GUCY1A2: variants seen among roughly 807,000 people sequenced by gnomAD.
GUCY1A2 encodes guanylate cyclase soluble subunit alpha-2.
Under a neutral mutation model 63.5 loss-of-function variants are expected in GUCY1A2, and 27 were observed. The ratio of observed to expected loss-of-function variants is 0.43; its 90% CI spans 0.31 to 0.59. GUCY1A2 has a LOEUF of 0.59. Ranked by LOEUF, GUCY1A2 falls within the 20% of genes least tolerant of loss-of-function variation. The probability of loss-of-function intolerance (pLI) is 0.11; values close to 1 mark genes in which losing one functional copy is unlikely to be tolerated. For missense variants in GUCY1A2, 768 were observed against 913.3 expected, an observed-to-expected ratio of 0.84 and a Z score of 2.05; for synonymous variants, 364 against 343.5, an observed-to-expected ratio of 1.06 and a Z score of -0.66.
chr11:106,803,887 A>T (rs1858644806), intron 5 of GUCY1A2, among the ~76,000 whole-genome samples: 1 of 152,208 alleles, frequency 6.6e-6, no homozygotes. Context: ...GTGCTCGCCA[A>T]AGGCAAACGT....
At chr11:106,969,594 G>C (rs1861169030) in intron 3 of GUCY1A2, among the ~76,000 whole-genome samples, 1 of 151,962 alleles carries the variant, frequency 6.6e-6, no homozygotes, top group Admixed American at 6.6e-5. Context: ...ATTTCAAAAA[G>C]CAAATGTGAC....
intron 4 of GUCY1A2, among the ~76,000 whole-genome samples, chr11:106,875,661 A>G (rs1859738973): frequency 6.6e-6 from 1 of 152,034 alleles, no homozygotes; most frequent in South Asian, 2.1e-4. Context: ...ACCTAGCAAA[A>G]GTTCCAGCCA....
chr11:106,918,887 A>G (rs1464044846), intron 4 of GUCY1A2, among the ~76,000 whole-genome samples: 1 of 152,210 alleles, frequency 6.6e-6, no homozygotes, highest in East Asian at 1.9e-4. Context: ...TCTGGGATAT[A>G]CAACTTCAAA....
chr11:106,816,356 A>T (rs1858832190), intron 4 of GUCY1A2, among the ~76,000 whole-genome samples: 1 of 151,840 alleles, frequency 6.6e-6, no homozygotes, highest in Non-Finnish European at 1.5e-5. Context: ...TGAAAATGAA[A>T]CAACACTTTT....
chr11:106,797,418 G>A (rs1239292838), intron 5 of GUCY1A2, among the ~76,000 whole-genome samples: 1 of 152,026 alleles, frequency 6.6e-6, no homozygotes, highest in Non-Finnish European at 1.5e-5. Context: ...ACTCAACTCT[G>A]CACCAAGTGG....
chr11:107,002,182 C>T (rs963780136), intron 1 of GUCY1A2, among the ~76,000 whole-genome samples: 5 of 152,004 alleles, frequency 3.3e-5, no homozygotes, highest in Non-Finnish European at 7.4e-5. Flanking sequence ...TGACATATGT[C>T]CTATTTGGCC....
Position 106,996,009 on chromosome 11 carries a change from T to C in GUCY1A2, c.304-9878A>G, listed in dbSNP as rs1861530044. 2.0e-5 allele frequency among the ~76,000 whole-genome samples: 3 copies of C among 152,152 alleles called. No homozygotes were observed. The South Asian group carries it at 6.2e-4, about 32-fold the overall frequency. On this transcript the variant is annotated intron_variant, in intron 1 of 7. Transcript: ENST00000526355. ...TCTGAGAATAAAGAAGTAATATTTC[T>C]GCCTGACAGTTAAATTATAAAATTA...
intron 4 of GUCY1A2, among the ~76,000 whole-genome samples, chr11:106,889,178 G>A (rs1027572878): frequency 8.6e-5 from 13 of 152,000 alleles, no homozygotes; most frequent in Non-Finnish European, 1.6e-4. Context: ...GGATAAAAAC[G>A]TACTTTAACT....
chr11:106,941,229 T>C lies in GUCY1A2; in HGVS notation c.488-1051A>G, dbSNP rs577765430. Among the ~76,000 whole-genome samples the C allele has an allele frequency of 2.1e-4, 32 of 152,324 alleles. 1 individual carries two copies. In the South Asian group the frequency reaches 3.1e-3, roughly 15 times the overall value. ...GTTTTCTCCATATATAATCACTCCC[T>C]GATGCCCTGGCAAAAGAGTTCCACC... is the stretch of plus-strand genomic sequence containing the variant. On this transcript the variant is annotated intron_variant, in intron 3 of 7. Transcript: ENST00000526355.
intron 4 of GUCY1A2, among the ~76,000 whole-genome samples, chr11:106,830,396 G>C (rs1859034243): frequency 1.3e-5 from 2 of 152,208 alleles, no homozygotes; most frequent in African/African-American, 4.8e-5. Context: ...TTGGATTGAA[G>C]GATGCAAAGT....
intron 6 of GUCY1A2, among the ~76,000 whole-genome samples, chr11:106,767,665 A>C (rs7123378): frequency 2.5e-3 from 376 of 152,250 alleles, no homozygotes; most frequent in African/African-American, 8.8e-3. Context: ...TTGTGTTTTA[A>C]ATCATTATGC....
chr11:106,741,164 A>G (rs1863688125), intron 6 of GUCY1A2, among the ~76,000 whole-genome samples: 1 of 152,264 alleles, frequency 6.6e-6, no homozygotes, highest in Non-Finnish European at 1.5e-5. Context: ...CTAATTAAAT[A>G]GCATTTTATT....
intron 4 of GUCY1A2, among the ~76,000 whole-genome samples, chr11:106,926,377 G>A (rs1452687698): frequency 6.6e-6 from 1 of 150,538 alleles, no homozygotes; most frequent in Non-Finnish European, 1.5e-5. Flanking sequence ...GGTATAGGCT[G>A]AAGTAAGCCA....
chr11:106,749,150 G>C (rs6588922), intron 6 of GUCY1A2, among the ~76,000 whole-genome samples: 28,349 of 151,886 alleles, frequency 0.19, 3,800 homozygotes, highest in African/African-American at 0.38. Context: ...AGCCTAGGAG[G>C]ACTAGGCTGT....
At chr11:106,781,341 G>A (rs1415502284) in intron 5 of GUCY1A2, among the ~76,000 whole-genome samples, 2 of 152,138 alleles carry the variant, frequency 1.3e-5, no homozygotes, top group Non-Finnish European at 1.5e-5. Flanking sequence ...TTATGCAAAT[G>A]TCTGAAAAAA....
chr11:106,794,571 T>C (rs560231162), intron 5 of GUCY1A2, among the ~76,000 whole-genome samples: 1 of 152,188 alleles, frequency 6.6e-6, no homozygotes, highest in African/African-American at 2.4e-5. Flanking sequence ...ATTAATTTGA[T>C]TGTAATAATC....
intron 4 of GUCY1A2, among the ~76,000 whole-genome samples, chr11:106,900,463 AC>A (rs1242673921): frequency 6.6e-6 from 1 of 152,204 alleles, no homozygotes; most frequent in Non-Finnish European, 1.5e-5. Flanking sequence ...CAGCCACAAA[AC>A]AAACATAATT....
intron 4 of GUCY1A2, among the ~76,000 whole-genome samples, chr11:106,862,990 T>C (rs569897943): frequency 3.9e-5 from 6 of 152,194 alleles, no homozygotes; most frequent in African/African-American, 1.2e-4. Flanking sequence ...ATCTGTGACC[T>C]GGGACAGAGG....
intron 4 of GUCY1A2, among the ~76,000 whole-genome samples, chr11:106,882,991 T>C (rs549521269): frequency 3.3e-5 from 5 of 152,152 alleles, no homozygotes; most frequent in African/African-American, 7.2e-5. Context: ...TTTAGTTAAG[T>C]AGCAGGTGTT....
Sources: allele counts gnomAD v4.1 joint callset (sites outside exome capture counted in the v4.1 genomes callset), GRCh38; gene constraint gnomAD v4.1.1; transcripts MANE v1.5; gene names NCBI Gene and HGNC (gene_info 2026-07-23, HGNC 2026-07-21).